SLC25A13: variants seen among roughly 807,000 people sequenced by gnomAD.
SLC25A13 encodes solute carrier family 25 member 13.
A neutral mutation model predicts 85.5 loss-of-function variants in SLC25A13; 70 were observed. The ratio of observed to expected loss-of-function variants is 0.82; its 90% CI spans 0.68 to 1.00. The LOEUF (loss-of-function observed/expected upper bound fraction) is 1.00, where lower values mean the gene tolerates loss of function less well. SLC25A13 is among the 50% of genes least tolerant of loss of function. The pLI is 0.00. For missense variants in SLC25A13, 765 were observed against 819.8 expected, an observed-to-expected ratio of 0.93 and a Z score of 0.82; for synonymous variants, 259 against 288.7, an observed-to-expected ratio of 0.90 and a Z score of 1.04.
At chr7:96,234,960 G>T in intron 3 of SLC25A13, 43 bp from the exon 4 acceptor site, 1 of 1,473,712 alleles carries the variant, frequency 6.8e-7, no homozygotes, top group Non-Finnish European at 9.5e-7. Flanking sequence ...AGTAGCTTGT[G>T]GAAAACAGAA....
At chr7:96,283,333 C>T in intron 2 of SLC25A13, 1 of 266,050 alleles carries the variant, frequency 3.8e-6, no homozygotes, top group Non-Finnish European at 7.7e-6. Flanking sequence ...CTGGAACCAC[C>T]ATCTTCCAGT....
At chr7:96,278,296 T>C (rs1242788925) in intron 2 of SLC25A13, among the ~76,000 whole-genome samples, 1 of 152,118 alleles carries the variant, frequency 6.6e-6, no homozygotes. Context: ...AGCTGGGTGA[T>C]AAGAACCACA....
At chr7:96,229,464 A>G (rs1796448197) in intron 4 of SLC25A13, among the ~76,000 whole-genome samples, 1 of 152,138 alleles carries the variant, frequency 6.6e-6, no homozygotes, top group South Asian at 2.1e-4. Context: ...GAATAAAAGC[A>G]GGCTGCCCGA....
intron 1 of SLC25A13, among the ~76,000 whole-genome samples, chr7:96,302,049 C>G (rs1432627216): frequency 6.6e-6 from 1 of 152,116 alleles, no homozygotes; most frequent in Non-Finnish European, 1.5e-5. Context: ...AGTCTATGCT[C>G]CACAGGAGCA....
At chr7:96,128,939 G>GCTCTCTCTCTCT (rs58984088) in intron 15 of SLC25A13, among the ~76,000 whole-genome samples, 2,675 of 81,814 alleles carry the variant, frequency 0.033, 405 homozygotes, top group East Asian at 0.042. Flanking sequence ...TGCCTTGCTT[G>GCTCTCTCTCTCT]CTCTCTCTCT....
chr7:96,148,866 C>T (rs1792909546), intron 13 of SLC25A13, among the ~76,000 whole-genome samples: 1 of 152,214 alleles, frequency 6.6e-6, no homozygotes. Context: ...ATTTGTCAAA[C>T]CATCTCACTT....
chr7:96,259,557 C>T (rs771251649), intron 3 of SLC25A13, among the ~76,000 whole-genome samples: 3 of 152,152 alleles, frequency 2.0e-5, no homozygotes, highest in Non-Finnish European at 2.9e-5. Context: ...CAGGAAACAA[C>T]AGATGCTGGA....
intron 14 of SLC25A13, among the ~76,000 whole-genome samples, chr7:96,144,375 G>A (rs1792691355): frequency 6.6e-6 from 1 of 152,174 alleles, no homozygotes; most frequent in Non-Finnish European, 1.5e-5. Flanking sequence ...TGACCAACAG[G>A]AAGATAGAGA....
chr7:96,252,455 T>C (rs973925524), intron 3 of SLC25A13, among the ~76,000 whole-genome samples: 2 of 152,236 alleles, frequency 1.3e-5, no homozygotes, highest in African/African-American at 4.8e-5. Context: ...CATGTGACAT[T>C]TGAGGGGCCT....
At chr7:96,123,290 C>T (rs1791591109) in intron 15 of SLC25A13, among the ~76,000 whole-genome samples, 1 of 152,164 alleles carries the variant, frequency 6.6e-6, no homozygotes, top group Admixed American at 6.5e-5. Flanking sequence ...TGGAAGGAAA[C>T]AAGAAAAATG....
intron 5 of SLC25A13, among the ~76,000 whole-genome samples, chr7:96,203,714 TTAAAG>T (rs139525632): frequency 0.033 from 5,006 of 152,180 alleles, 205 homozygotes; most frequent in African/African-American, 0.096. Flanking sequence ...TGTTTTCAAA[TTAAAG>T]TAATTACATG....
chr7:96,319,067 G>A (rs573039427), intron 1 of SLC25A13, among the ~76,000 whole-genome samples: 3 of 152,212 alleles, frequency 2.0e-5, no homozygotes, highest in Non-Finnish European at 4.4e-5. Context: ...CCCAAAGGCA[G>A]TTCAATAAGG....
intron 3 of SLC25A13, among the ~76,000 whole-genome samples, chr7:96,270,911 A>G (rs1387569209): frequency 1.3e-5 from 2 of 152,084 alleles, no homozygotes; most frequent in African/African-American, 4.8e-5. Context: ...TATGGCTGCA[A>G]CGCTCCAACC....
intron 3 of SLC25A13, among the ~76,000 whole-genome samples, chr7:96,240,711 T>C (rs1256741923): frequency 7.0e-6 from 1 of 142,254 alleles, no homozygotes; most frequent in Non-Finnish European, 1.5e-5. Context: ...ACCACTGCAC[T>C]CCAGCCTGGG....
intron 5 of SLC25A13, among the ~76,000 whole-genome samples, chr7:96,204,923 T>G (rs908747436): frequency 2.6e-5 from 4 of 152,214 alleles, no homozygotes; most frequent in Non-Finnish European, 4.4e-5. Flanking sequence ...TTATTTATTT[T>G]TTTGAGACAG....
chr7:96,218,025 G>T (rs1795965453), intron 4 of SLC25A13, among the ~76,000 whole-genome samples: 1 of 151,706 alleles, frequency 6.6e-6, no homozygotes, highest in Non-Finnish European at 1.5e-5. Context: ...ATCTATCTTA[G>T]ACAGTTTTTC....
chr7:96,184,552 C>T (rs997234106), intron 10 of SLC25A13, 117 bp from the exon 11 acceptor site: 3 of 1,014,160 alleles, frequency 3.0e-6, no homozygotes, highest in Non-Finnish European at 3.0e-6. Flanking sequence ...ATTTTAAATA[C>T]AGATTTTAAA....
At chr7:96,241,741 T>C (rs1013126664) in intron 3 of SLC25A13, among the ~76,000 whole-genome samples, 3 of 152,132 alleles carry the variant, frequency 2.0e-5, no homozygotes, top group African/African-American at 7.2e-5. Flanking sequence ...AAAATTCATA[T>C]GAAACAAAAT....
At chr7:96,219,056 T>C (rs933769435) in intron 4 of SLC25A13, among the ~76,000 whole-genome samples, 5 of 152,158 alleles carry the variant, frequency 3.3e-5, no homozygotes, top group African/African-American at 1.2e-4. Flanking sequence ...AATATCAAGG[T>C]TGCCATTTCA....
Sources: allele counts gnomAD v4.1 joint callset (sites outside exome capture counted in the v4.1 genomes callset), GRCh38; gene constraint gnomAD v4.1.1; transcripts MANE v1.5; gene names NCBI Gene and HGNC (gene_info 2026-07-23, HGNC 2026-07-21).